Variants in TBL1XR1 observed in about 807,000 individuals in gnomAD.
TBL1XR1 encodes the protein TBL1X/Y related 1.
A neutral mutation model predicts 66.9 loss-of-function variants in TBL1XR1; 5 were observed. The observed-to-expected ratio is 0.07, with a 90% CI of 0.04 to 0.16. TBL1XR1 has a LOEUF of 0.16. Among genes scored for constraint, TBL1XR1 ranks in the 10% least tolerant of loss-of-function variants. The pLI is 1.00. For synonymous variants in TBL1XR1, 210 were observed against 206.0 expected, an observed-to-expected ratio of 1.02 and a Z score of -0.17; for missense variants, 238 against 623.2, an observed-to-expected ratio of 0.38 and a Z score of 6.58.
At chr3:177,162,364 G>A (rs1360292695) in intron 1 of TBL1XR1, among the ~76,000 whole-genome samples, 1 of 152,202 alleles carries the variant, frequency 6.6e-6, no homozygotes, top group East Asian at 1.9e-4. Context: ...GAATGGACAA[G>A]GGAGCCTGCC....
At chr3:177,161,223 A>G (rs953618340) in intron 1 of TBL1XR1, among the ~76,000 whole-genome samples, 1 of 152,144 alleles carries the variant, frequency 6.6e-6, no homozygotes, top group African/African-American at 2.4e-5. Context: ...CTATCATCTT[A>G]GATAACCCCT....
At chr3:177,032,914 G>A in intron 14 of TBL1XR1, 57 bp downstream of exon 14, 1 of 1,387,980 alleles carries the variant, frequency 7.2e-7, no homozygotes, top group Non-Finnish European at 9.5e-7. Context: ...GAGTGTATAG[G>A]CAAATGCTTC....
intron 2 of TBL1XR1, among the ~76,000 whole-genome samples, chr3:177,087,235 A>C (rs1027958520): frequency 6.6e-6 from 1 of 151,766 alleles, no homozygotes; most frequent in Non-Finnish European, 1.5e-5. Context: ...TTTAAAAAAA[A>C]AATTAAACTA....
At chr3:177,050,380 C>T in intron 6 of TBL1XR1, 98 bp downstream of exon 6, 2 of 1,447,132 alleles carry the variant, frequency 1.4e-6, no homozygotes, top group Middle Eastern at 3.9e-4. Flanking sequence ...AAAATGGCCA[C>T]AACTAAGCAA....
chr3:177,126,894 T>C (rs1044759481), intron 1 of TBL1XR1, among the ~76,000 whole-genome samples: 3 of 151,702 alleles, frequency 2.0e-5, no homozygotes, highest in African/African-American at 4.8e-5. Context: ...CTGTACATAA[T>C]GTACGGTTGT....
chr3:177,161,723 G>A (rs1732232236), intron 1 of TBL1XR1, among the ~76,000 whole-genome samples: 1 of 151,430 alleles, frequency 6.6e-6, no homozygotes, highest in Admixed American at 6.6e-5. Flanking sequence ...GGTAGAGGTT[G>A]CAGTGAGCCA....
rs754848654 is a variant in TBL1XR1 at position 177,034,226 on chromosome 3, T to C, written c.1222A>G (p.Asn408Asp). ...KWSPTGPGTN[N>D]PNANLMLASA... ...GCTAACATAAGGTTGGCATTTGGATTATTAGTCCCTGGTCCTGTTGGACTC... is the reference window on the plus strand; with the variant it reads ...GCTAACATAAGGTTGGCATTTGGATCATTAGTCCCTGGTCCTGTTGGACTC... Residue 408 changes from asparagine (N) to aspartate (D), a missense_variant, in exon 13 of 16, where the codon AAT (asparagine) becomes GAT (aspartate). Physicochemically the swap from Asn to Asp is conservative, Grantham distance 23. Around this residue, in one of 8 missense-constraint regions of TBL1XR1, gnomAD observed 89 missense variants for 220.2 expected, o/e 0.40. Transcript: ENST00000457928. The C allele has an allele frequency of 3.1e-6, 5 of 1,601,026 alleles. No individual in the cohort carries two copies. Among genetic ancestry groups the C allele is most frequent in the Non-Finnish European group, 4.2e-6 (5 of 1,176,946 alleles).
chr3:177,186,304 A>G (rs913354113), intron 1 of TBL1XR1, among the ~76,000 whole-genome samples: 3 of 152,234 alleles, frequency 2.0e-5, no homozygotes, highest in Non-Finnish European at 4.4e-5. Context: ...TGTATATTAC[A>G]TTGTTATATG....
At chr3:177,179,355 A>G (rs1734538210) in intron 1 of TBL1XR1, among the ~76,000 whole-genome samples, 1 of 152,202 alleles carries the variant, frequency 6.6e-6, no homozygotes, top group Non-Finnish European at 1.5e-5. Flanking sequence ...TATGAACCAG[A>G]GCAATCTCCT....
intron 1 of TBL1XR1, among the ~76,000 whole-genome samples, chr3:177,151,675 C>G (rs1730906637): frequency 6.6e-6 from 1 of 152,204 alleles, no homozygotes; most frequent in South Asian, 2.1e-4. Flanking sequence ...TCCAGAACAC[C>G]TGAGGCATAT....
At chr3:177,028,866 A>T (rs2108388785) in intron 14 of TBL1XR1, among the ~76,000 whole-genome samples, 1 of 152,336 alleles carries the variant, frequency 6.6e-6, no homozygotes, top group South Asian at 2.1e-4. Context: ...AAATGGAATA[A>T]AAGAGAAGGT....
intron 1 of TBL1XR1, among the ~76,000 whole-genome samples, chr3:177,152,657 G>A (rs1731037638): frequency 6.6e-6 from 1 of 152,056 alleles, no homozygotes; most frequent in South Asian, 2.1e-4. Flanking sequence ...TTCAAGTCAT[G>A]TTGGTCCTAG....
chr3:177,126,227 C>A (rs1011995462), intron 1 of TBL1XR1: 1 of 152,176 alleles, frequency 6.6e-6, no homozygotes, highest in Non-Finnish European at 1.5e-5. Context: ...TCTGACTCAA[C>A]GGCTAGATAT....
chr3:177,032,796 C>T, intron 14 of TBL1XR1, 175 bp downstream of exon 14: 1 of 468,336 alleles, frequency 2.1e-6, no homozygotes. Context: ...AAATCCATTT[C>T]AAAATTCCAG....
intron 1 of TBL1XR1, among the ~76,000 whole-genome samples, chr3:177,125,457 T>C (rs987996495): frequency 2.0e-5 from 3 of 152,306 alleles, no homozygotes; most frequent in Middle Eastern, 3.4e-3. Context: ...AAATGCAAAA[T>C]GCTGCAGTCC....
intron 14 of TBL1XR1, among the ~76,000 whole-genome samples, chr3:177,032,004 A>G (rs569943711): frequency 6.1e-4 from 93 of 152,306 alleles, no homozygotes; most frequent in Non-Finnish European, 9.1e-4. Flanking sequence ...ATATAAAAAA[A>G]GATTCCTAAT....
intron 14 of TBL1XR1, chr3:177,027,864 A>T (rs898187244): frequency 1.3e-5 from 2 of 152,200 alleles, no homozygotes; most frequent in African/African-American, 4.8e-5. Flanking sequence ...GTAGGCTTTG[A>T]GTATCTATAG....
chr3:177,044,384 A>T (rs560154478), intron 10 of TBL1XR1, among the ~76,000 whole-genome samples: 2 of 152,160 alleles, frequency 1.3e-5, no homozygotes, highest in Non-Finnish European at 2.9e-5. Context: ...AGACTTACTG[A>T]TAACAGTTGA....
chr3:177,155,708 C>T (rs1027379055), intron 1 of TBL1XR1, among the ~76,000 whole-genome samples: 1 of 152,100 alleles, frequency 6.6e-6, no homozygotes, highest in Non-Finnish European at 1.5e-5. Context: ...TTACCTCATA[C>T]CATACACAAA....
Sources: gnomAD v4.1 joint callset for allele counts (sites outside exome capture counted in the v4.1 genomes callset) on GRCh38, gnomAD v4.1.1 for gene constraint, gnomAD v4.1.1 regional missense constraint, MANE v1.5 for transcripts, NCBI Gene and HGNC (gene_info 2026-07-23, HGNC 2026-07-21) for gene names.